ITK: variants seen among roughly 807,000 people sequenced by gnomAD.
The protein encoded by ITK is tyrosine-protein kinase ITK/TSK.
ITK carries 45 observed loss-of-function variants against 87.6 expected under a neutral mutation model. The observed-to-expected ratio is 0.51, with a 90% CI of 0.40 to 0.66. ITK has a LOEUF of 0.66. ITK is among the 30% of genes least tolerant of loss of function. The probability of loss-of-function intolerance (pLI) is 0.00; values close to 1 mark genes in which losing one functional copy is unlikely to be tolerated. For synonymous variants in ITK, 303 were observed against 273.6 expected (o/e 1.11, Z -1.06); for missense variants, 605 against 766.3 (o/e 0.79, Z 2.48).
In ITK at chr5:157,248,954, C is replaced by T. The variant is rs1462558122; in HGVS notation, c.1738C>T (p.Pro580Ser). ...CAGTACCGGATTTCGGTTGTACAAGCCCCGGCTGGCCTCCACACACGTCTA... is the reference window on the plus strand; with the variant it reads ...CAGTACCGGATTTCGGTTGTACAAGTCCCGGCTGGCCTCCACACACGTCTA... ...DISTGFRLYK[P>S]RLASTHVYQI... The change falls in exon 16 of 17, where the codon CCC (proline) becomes TCC (serine). Residue 580 changes from proline to serine, a missense_variant. By Grantham distance (74) the Pro-to-Ser change is moderately conservative. This residue lies in a region of ITK where 71 missense variants were observed against 65.8 expected (regional missense o/e 1.08). Coordinates refer to ENST00000422843, the MANE Select transcript of ITK (RefSeq NM_005546.4). The T allele has an allele frequency of 1.2e-6, 2 of 1,613,770 alleles. No individual in the cohort carries two copies. The highest frequency in any genetic ancestry group is 1.7e-6 in the Non-Finnish European group (2 of 1,179,784).
intron 1 of ITK, among the ~76,000 whole-genome samples, chr5:157,188,064 G>C (rs373567052): frequency 5.3e-5 from 8 of 152,148 alleles, no homozygotes; most frequent in African/African-American, 1.9e-4. Flanking sequence ...GCCTCCAAAA[G>C]TGCTGGGATT....
intron 1 of ITK, among the ~76,000 whole-genome samples, chr5:157,183,097 T>C (rs955766861): frequency 3.3e-5 from 5 of 152,106 alleles, no homozygotes; most frequent in African/African-American, 1.2e-4. Context: ...TTTACTCTTA[T>C]AAATAACATT....
intron 1 of ITK, among the ~76,000 whole-genome samples, chr5:157,188,275 T>G (rs1278788169): frequency 3.9e-5 from 6 of 152,208 alleles, no homozygotes; most frequent in Non-Finnish European, 7.3e-5. Flanking sequence ...AACCTTAAAA[T>G]TTTAAATCAG....
At chr5:157,214,083 C>T in intron 3 of ITK, 108 bp from the exon 4 acceptor site, 1 of 863,150 alleles carries the variant, frequency 1.2e-6, no homozygotes, top group South Asian at 1.3e-5. Context: ...CTGGGCAATA[C>T]TCATTCAGGC....
rs893360508 is a variant in ITK, at chr5:157,253,515, A to C, written c.*837A>C. 6 of 226,114 alleles carry C rather than the reference A, an allele frequency of 2.7e-5. No individual in the cohort carries two copies. The highest frequency in any genetic ancestry group is 4.4e-5 in the Non-Finnish European group (5 of 113,602). The allele number at this position is 226,114 out of a possible 1,614,324, so 14.0% of individuals were successfully genotyped here. ...GCTCATCTTTTATACCAAGCTGTGC[A>C]GGTGACTATGCCTCCTCTTCTGCAC... On this transcript the variant is annotated 3_prime_UTR_variant, in exon 17 of 17. Coordinates refer to ENST00000422843, the MANE Select transcript of ITK (RefSeq NM_005546.4).
intron 6 of ITK, among the ~76,000 whole-genome samples, chr5:157,225,290 C>G (rs1403787468): frequency 2.6e-5 from 4 of 152,142 alleles, no homozygotes; most frequent in Non-Finnish European, 5.9e-5. Context: ...GCCACCATAC[C>G]TGGCCTATAT....
At chr5:157,248,721 A>T in intron 15 of ITK, 129 bp from the exon 16 acceptor site, 2 of 1,038,530 alleles carry the variant, frequency 1.9e-6, no homozygotes, top group Non-Finnish European at 3.0e-6. Flanking sequence ...CCTCAGGTAG[A>T]CTTGATGCAC....
At position 157,217,893 on chromosome 5, in the gene ITK, C is replaced by G. The variant is rs1489592386; in HGVS notation, c.481C>G (p.Pro161Ala). The change falls in exon 5 of 17, where the codon CCT (proline) becomes GCT (alanine). Residue 161 changes from proline (P) to alanine (A), a missense_variant. Physicochemically the swap from Pro to Ala is conservative, Grantham distance 27 (BLOSUM62 -1). This residue lies in a region of ITK where 464 missense variants were observed against 578.0 expected (regional missense o/e 0.80). Transcript: ENST00000422843. The part of the protein sequence containing the change: ...NASKKPLPPT[P>A]EDNRRPLWEP... ...TTCAAAGAAGCCTCTTCCTCCTACTCCTGAAGACAACAGGGTGAGTGAGAG... is the reference window on the plus strand; with the variant it reads ...TTCAAAGAAGCCTCTTCCTCCTACTGCTGAAGACAACAGGGTGAGTGAGAG... The G allele has an allele frequency of 6.2e-7, 1 of 1,613,912 alleles. No homozygotes were observed. Among genetic ancestry groups the G allele is most frequent in the Non-Finnish European group, 8.5e-7 (1 of 1,179,910 alleles).
At chr5:157,237,381 T>C (rs1415464771) in intron 8 of ITK, among the ~76,000 whole-genome samples, 1 of 152,098 alleles carries the variant, frequency 6.6e-6, no homozygotes, top group Non-Finnish European at 1.5e-5. Flanking sequence ...ACTCCAAAAG[T>C]TGGAAGGAAT....
intron 1 of ITK, among the ~76,000 whole-genome samples, chr5:157,194,305 C>A (rs1236266751): frequency 6.6e-6 from 1 of 152,154 alleles, no homozygotes; most frequent in Non-Finnish European, 1.5e-5. Context: ...TATGGGCTGA[C>A]AAACATGAGT....
Position 157,211,343 on chromosome 5 carries a change from G to A in ITK, c.300G>A (p.Gln100=). Residue 100 remains glutamine, a synonymous_variant, in exon 3 of 17, where the codon CAG becomes CAA. Transcript: ENST00000422843. Reference sequence around the variant, plus strand: ...TTGCTCCAGATCGTGAGAGCCGGCAGCGCTGGGTGCTGGCCCTTAAAGAAG... The same window carrying A: ...TTGCTCCAGATCGTGAGAGCCGGCAACGCTGGGTGCTGGCCCTTAAAGAAG... ...YVFAPDRESR[Q]RWVLALKEET... is the part of the protein sequence containing the mutation. 1 of 1,614,064 alleles carries A rather than the reference G, an allele frequency of 6.2e-7. No individual in the cohort carries two copies. Among genetic ancestry groups the A allele is most frequent in the South Asian group, 1.1e-5 (1 of 91,082 alleles).
chr5:157,238,251 T>C, intron 9 of ITK, 60 bp downstream of exon 9: 6 of 1,286,776 alleles, frequency 4.7e-6, no homozygotes, highest in Non-Finnish European at 6.8e-6. Context: ...GTGTGAGCAC[T>C]GGGGAAAAGA....
Position 157,208,968 on chromosome 5 carries a change from C to A in ITK, c.218C>A (p.Pro73Gln), listed in dbSNP as rs780078290. The change falls in exon 2 of 17, where the codon CCA becomes CAA. Residue 73 changes from proline to glutamine, a missense_variant. By Grantham distance (76) the Pro-to-Gln change is moderately conservative. Around this residue, in one of 3 missense-constraint regions of ITK, gnomAD observed 464 missense variants for 578.0 expected, o/e 0.80. Transcript: ENST00000422843. The stretch of plus-strand genomic sequence containing the variant: ...ATTGTGAAAAGTGACATCAGCATCC[C>A]ATGCCACTATAAATACCCGTTTCAG... Reference protein sequence around the residue: ...VEIVKSDISIPCHYKYPFQVV... With the variant: ...VEIVKSDISIQCHYKYPFQVV... 6 of 1,613,312 alleles carry A rather than the reference C, an allele frequency of 3.7e-6. No individual in the cohort carries two copies. In the South Asian group the frequency reaches 4.4e-5, roughly 12 times the overall value.
At chr5:157,233,804 G>A (rs1387134558) in intron 8 of ITK, among the ~76,000 whole-genome samples, 1 of 150,826 alleles carries the variant, frequency 6.6e-6, no homozygotes, top group Non-Finnish European at 1.5e-5. Flanking sequence ...CGTCTATGGA[G>A]CACTTCAAAC....
intron 1 of ITK, among the ~76,000 whole-genome samples, chr5:157,202,206 A>ATTTTC (rs71577321): frequency 0.033 from 4,947 of 151,784 alleles, 97 homozygotes; most frequent in African/African-American, 0.059. Flanking sequence ...TGTTTACCAC[A>ATTTTC]TTTTCTTTTC....
In ITK at chr5:157,248,890, G is replaced by A. The variant is rs199593468; in HGVS notation, c.1674G>A (p.Pro558=). The change falls in exon 16 of 17, where the codon CCG becomes CCA. Residue 558 remains proline (P), a synonymous_variant. Coordinates refer to ENST00000422843, the MANE Select transcript of ITK (RefSeq NM_005546.4). The part of the protein sequence containing the change: ...MWEVFSEGKI[P]YENRSNSEVV... ...AAGTTTTCAGTGAAGGCAAAATCCC[G>A]TATGAAAACCGAAGCAACTCAGAGG... 100 of 1,613,938 alleles carry A rather than the reference G, an allele frequency of 6.2e-5. No individual in the cohort carries two copies. The highest frequency in any genetic ancestry group is 4.5e-4 in the Admixed American group (27 of 60,012).
At chr5:157,224,768 G>A (rs1754498306) in intron 6 of ITK, among the ~76,000 whole-genome samples, 2 of 152,116 alleles carry the variant, frequency 1.3e-5, no homozygotes, top group African/African-American at 4.8e-5. Flanking sequence ...GAGACAGAAT[G>A]AGAATCCATC....
intron 5 of ITK, among the ~76,000 whole-genome samples, chr5:157,222,122 C>A (rs3846684): frequency 0.43 from 64,972 of 152,004 alleles, 14,453 homozygotes; most frequent in East Asian, 0.77. Context: ...CTTCCTAACA[C>A]TAAACCACAT....
At chr5:157,233,964 T>TATATATATATATATATATATA (rs1491125187) in intron 8 of ITK, among the ~76,000 whole-genome samples, 14 of 16,904 alleles carry the variant, frequency 8.3e-4, no homozygotes, top group Non-Finnish European at 1.2e-3. Flanking sequence ...TATATATATA[T>TATATATATATATATATATATA]TTTTTTTTTT....
Sources: gnomAD v4.1 joint callset for allele counts (sites outside exome capture counted in the v4.1 genomes callset) on GRCh38, gnomAD v4.1.1 for gene constraint, gnomAD v4.1.1 regional missense constraint, MANE v1.5 for transcripts, NCBI Gene and HGNC (gene_info 2026-07-23, HGNC 2026-07-21) for gene names.